The following TMEM217 variants were observed in gnomAD, a reference collection of about 807,000 sequenced individuals.
TMEM217 encodes transmembrane protein 217, also known as chromosome 6 open reading frame 128.
For missense variants in TMEM217, 204 were observed against 248.8 expected, an observed-to-expected ratio of 0.82 and a Z score of 1.21; for synonymous variants, 76 against 88.3, an observed-to-expected ratio of 0.86 and a Z score of 0.78.
chr6:37,218,863 T>C, exon 2 of TMEM217: 1 of 1,614,158 alleles, frequency 6.2e-7, no homozygotes, highest in Non-Finnish European at 8.5e-7. Flanking sequence ...TGAAGTTATT[T>C]ATGATGTTAC....
At chr6:37,214,224 T>C (rs1033259278), downstream of TMEM217, among the ~76,000 whole-genome samples, 2 of 152,182 alleles carry the variant, frequency 1.3e-5, no homozygotes, top group African/African-American at 4.8e-5. Context: ...CAGAACTTCC[T>C]TTCTCTCTCT....
At chr6:37,229,585 A>T (rs1055635550) in intron 1 of TMEM217, among the ~76,000 whole-genome samples, 1 of 151,292 alleles carries the variant, frequency 6.6e-6, no homozygotes, top group Non-Finnish European at 1.5e-5. Flanking sequence ...CTCGTGATCC[A>T]CCCGCCTCCG....
At chr6:37,257,707 T>C (rs1765841257) in exon 1 of TMEM217, 2 of 546,862 alleles carry the variant, frequency 3.7e-6, no homozygotes, top group East Asian at 3.4e-5. Flanking sequence ...CGGCTCCCAA[T>C]TGGTCGGCCC....
chr6:37,232,395 C>G (rs437956), intron 1 of TMEM217, among the ~76,000 whole-genome samples: 130,223 of 152,258 alleles, frequency 0.86, 56,036 homozygotes, highest in African/African-American at 0.95. Context: ...GTTTTGTTTT[C>G]TTTTTTTTGA....
chr6:37,252,603 GTGTGTA>G (rs150125183), intron 1 of TMEM217, among the ~76,000 whole-genome samples: 8,939 of 46,404 alleles, frequency 0.19, 738 homozygotes, highest in African/African-American at 0.39. Context: ...GTGTGTGTGT[GTGTGTA>G]TGTGTGTGTA....
intron 1 of TMEM217, among the ~76,000 whole-genome samples, chr6:37,253,103 T>C (rs1335291104): frequency 2.6e-5 from 4 of 152,244 alleles, no homozygotes; most frequent in Non-Finnish European, 4.4e-5. Context: ...CATGCAAAGA[T>C]ATTTTATATT....
exon 2 of TMEM217, chr6:37,217,721 C>A: frequency 1.0e-6 from 1 of 985,332 alleles, no homozygotes; most frequent in Non-Finnish European, 1.2e-6. Flanking sequence ...CACAAACCCA[C>A]CCCAGGGCCA....
At chr6:37,255,745 G>A (rs1765683026) in intron 1 of TMEM217, among the ~76,000 whole-genome samples, 1 of 152,070 alleles carries the variant, frequency 6.6e-6, no homozygotes, top group African/African-American at 2.4e-5. Context: ...GGGGCTAAGA[G>A]TGGAAGCAGG....
intron 1 of TMEM217, among the ~76,000 whole-genome samples, chr6:37,230,064 T>A (rs1764110329): frequency 6.6e-6 from 1 of 152,362 alleles, no homozygotes; most frequent in African/African-American, 2.4e-5. Context: ...GGCTGTTAGC[T>A]GAGGGCCACC....
exon 1 of TMEM217, chr6:37,257,720 C>T: frequency 1.7e-6 from 1 of 579,422 alleles, no homozygotes; most frequent in Non-Finnish European, 3.0e-6. Flanking sequence ...GTCGGCCCGT[C>T]CACGGCTTGC....
intron 1 of TMEM217, among the ~76,000 whole-genome samples, chr6:37,255,214 G>A (rs151271236): frequency 6.6e-6 from 1 of 152,238 alleles, no homozygotes; most frequent in African/African-American, 2.4e-5. Flanking sequence ...AAGACCAATG[G>A]GCATGGCTGC....
At chr6:37,230,840 C>G (rs1423845434) in intron 1 of TMEM217, among the ~76,000 whole-genome samples, 1 of 152,110 alleles carries the variant, frequency 6.6e-6, no homozygotes, top group Admixed American at 6.5e-5. Flanking sequence ...CTCTCTACCA[C>G]TGGGCAGTTG....
chr6:37,250,378 G>A (rs1765331090), intron 1 of TMEM217, among the ~76,000 whole-genome samples: 1 of 152,098 alleles, frequency 6.6e-6, no homozygotes. Flanking sequence ...TAATCAAACT[G>A]TGCATATTAG....
rs1211719650 is a variant in TMEM217, at chr6:37,229,348, T to TTTTG, written c.-11-10308_-11-10307insCAAA. 1.2e-4 allele frequency among the ~76,000 whole-genome samples: 16 copies of TTTTG among 129,520 alleles called. 2 individuals are homozygous for TTTTG. Among genetic ancestry groups the TTTTG allele is most frequent in the African/African-American group, 4.9e-4 (16 of 32,734 alleles). The allele number at this position is 129,520 out of a possible 152,430, so 85.0% of individuals were successfully genotyped here. On this transcript the variant is annotated intron_variant, in intron 1 of 1. Coordinates refer to ENST00000357219, the Ensembl canonical transcript of TMEM217. Reference sequence around the variant, plus strand: ...TAGCAACTTTCAGTTTTTTTTTTTTTTTTTTTTTTTTTGAGACAGTGTCTC... The same window carrying TTTTG: ...TAGCAACTTTCAGTTTTTTTTTTTTTTTTGTTTTTTTTTTTTGAGACAGTGTCTC...
chr6:37,217,829 C>T (rs1162472782), exon 2 of TMEM217: 110 of 985,174 alleles, frequency 1.1e-4, no homozygotes, highest in Non-Finnish European at 1.3e-4. Flanking sequence ...ATGAAGATGC[C>T]AAGAAAAAAG....
chr6:37,223,718 A>G (rs753075223), intron 1 of TMEM217, among the ~76,000 whole-genome samples: 2 of 152,134 alleles, frequency 1.3e-5, no homozygotes, highest in Admixed American at 6.6e-5. Context: ...CATGTTGGTC[A>G]GGCTGCTCTC....
intron 1 of TMEM217, among the ~76,000 whole-genome samples, chr6:37,257,182 A>C (rs1765798720): frequency 6.6e-6 from 1 of 152,180 alleles, no homozygotes; most frequent in Admixed American, 6.5e-5. Context: ...TGACATAGGG[A>C]TTAGATCATT....
At chr6:37,229,149 G>A (rs1764027296) in intron 1 of TMEM217, among the ~76,000 whole-genome samples, 1 of 152,026 alleles carries the variant, frequency 6.6e-6, no homozygotes, top group Non-Finnish European at 1.5e-5. Context: ...ATAGTTTCAA[G>A]AGGGAGGTGT....
At chr6:37,218,014 GA>G (rs1221071029) in exon 2 of TMEM217, 16 of 991,448 alleles carry the variant, frequency 1.6e-5, no homozygotes, top group Non-Finnish European at 1.8e-5. Context: ...ATGTTCTCCT[GA>G]AAGAGTGGCA....
Sources: allele counts gnomAD v4.1 joint callset (sites outside exome capture counted in the v4.1 genomes callset), GRCh38; gene constraint gnomAD v4.1.1; transcripts MANE v1.5; gene names NCBI Gene and HGNC (gene_info 2026-07-23, HGNC 2026-07-21).